Variants in TBL1XR1 observed in about 807,000 individuals in gnomAD.
TBL1XR1 encodes F-box-like/WD repeat-containing protein TBL1XR1.
In TBL1XR1, 5 loss-of-function variants were observed where a neutral mutation model predicts 66.9. That is an observed-to-expected ratio of 0.07 (90% CI 0.04 to 0.16). TBL1XR1 has a LOEUF of 0.16. Ranked by LOEUF, TBL1XR1 falls within the 10% of genes least tolerant of loss-of-function variation. TBL1XR1 has a pLI of 1.00. For synonymous variants in TBL1XR1, 210 were observed against 206.0 expected (o/e 1.02, Z -0.17); for missense variants, 238 against 623.2 (o/e 0.38, Z 6.58).
chr3:177,088,710 TAAA>T lies in TBL1XR1; in HGVS notation c.-46+9753_-46+9755del, dbSNP rs141356787. 5.7e-4 allele frequency among the ~76,000 whole-genome samples: 72 copies of T among 126,952 alleles called. 1 individual carries two copies. Among genetic ancestry groups the T allele is most frequent in the African/African-American group, 1.8e-3 (64 of 35,284 alleles). 83.3% of individuals were successfully genotyped at this position (126,952 alleles called of 152,430 possible). On this transcript the variant is annotated intron_variant, in intron 2 of 15. Coordinates refer to ENST00000457928, the MANE Select transcript of TBL1XR1 (RefSeq NM_024665.7). ...TGTGCTCTGCTTTTCTTCATTTGTT[TAAA>T]AAAAAAAAAAAGAAAAGAAAAGCCT...
chr3:177,061,697 T>C (rs1226389162), intron 3 of TBL1XR1, among the ~76,000 whole-genome samples: 3 of 152,222 alleles, frequency 2.0e-5, no homozygotes, highest in African/African-American at 7.2e-5. Context: ...GGTATTACTT[T>C]AGATCTTTCA....
intron 1 of TBL1XR1, chr3:177,131,475 A>C (rs1728283572): frequency 1.2e-6 from 1 of 831,104 alleles, no homozygotes; most frequent in African/African-American, 1.8e-5. Context: ...ACAAAAAAAA[A>C]CTAAATTAAA....
At chr3:177,146,666 T>C (rs1730294930) in intron 1 of TBL1XR1, among the ~76,000 whole-genome samples, 1 of 149,226 alleles carries the variant, frequency 6.7e-6, no homozygotes, top group Non-Finnish European at 1.5e-5. Flanking sequence ...AACAGGAAGC[T>C]ATCAAGCTCA....
chr3:177,175,592 G>A (rs1734059577), intron 1 of TBL1XR1, among the ~76,000 whole-genome samples: 1 of 152,072 alleles, frequency 6.6e-6, no homozygotes, highest in African/African-American at 2.4e-5. Flanking sequence ...AATTATATAT[G>A]CAATCATAGG....
chr3:177,105,949 GGT>G (rs1467399899), intron 1 of TBL1XR1, among the ~76,000 whole-genome samples: 2 of 152,046 alleles, frequency 1.3e-5, no homozygotes, highest in Non-Finnish European at 2.9e-5. Context: ...CAAAGTGAGA[GGT>G]GTTCAGAACT....
At chr3:177,078,422 A>AT (rs1353244422) in intron 2 of TBL1XR1, among the ~76,000 whole-genome samples, 4 of 151,492 alleles carry the variant, frequency 2.6e-5, no homozygotes, top group East Asian at 1.9e-4. Context: ...AAAAAAAAAA[A>AT]ATTTTGGTTT....
chr3:177,192,680 TAAC>T (rs1163056299), intron 1 of TBL1XR1, among the ~76,000 whole-genome samples: 1 of 152,132 alleles, frequency 6.6e-6, no homozygotes, highest in Non-Finnish European at 1.5e-5. Flanking sequence ...CTAAAATAAA[TAAC>T]AAGCAAATAA....
intron 1 of TBL1XR1, among the ~76,000 whole-genome samples, chr3:177,160,698 GA>G (rs1405108127): frequency 6.6e-6 from 1 of 151,840 alleles, no homozygotes; most frequent in Non-Finnish European, 1.5e-5. Flanking sequence ...TGTTTATAAA[GA>G]GCTAAAACAT....
chr3:177,035,013 A>ATG (rs1714567387), intron 12 of TBL1XR1, among the ~76,000 whole-genome samples: 1 of 152,174 alleles, frequency 6.6e-6, no homozygotes, highest in African/African-American at 2.4e-5. Context: ...CACATACAAC[A>ATG]TGCCAAACCC....
At chr3:177,161,402 GCC>G (rs1732195506) in intron 1 of TBL1XR1, among the ~76,000 whole-genome samples, 1 of 152,130 alleles carries the variant, frequency 6.6e-6, no homozygotes, top group South Asian at 2.1e-4. Flanking sequence ...TACATTATGA[GCC>G]AGTTAGGTTA....
At chr3:177,104,011 G>A (rs547591074) in intron 1 of TBL1XR1, among the ~76,000 whole-genome samples, 1 of 151,860 alleles carries the variant, frequency 6.6e-6, no homozygotes, top group Non-Finnish European at 1.5e-5. Context: ...AGCTACTCGG[G>A]AGGCTGAGGC....
chr3:177,066,333 T>C (rs2108544653), intron 2 of TBL1XR1, among the ~76,000 whole-genome samples: 1 of 152,214 alleles, frequency 6.6e-6, no homozygotes, highest in East Asian at 1.9e-4. Flanking sequence ...GAAGAAGCCC[T>C]AACTAAAGTT....
intron 4 of TBL1XR1, among the ~76,000 whole-genome samples, chr3:177,052,524 T>C (rs375724559): frequency 3.1e-4 from 47 of 152,306 alleles, no homozygotes; most frequent in Non-Finnish European, 5.1e-4. Flanking sequence ...TTTTAACTTA[T>C]AAATAATTTT....
At chr3:177,057,318 C>G (rs1717931882) in intron 3 of TBL1XR1, among the ~76,000 whole-genome samples, 1 of 152,184 alleles carries the variant, frequency 6.6e-6, no homozygotes, top group Non-Finnish European at 1.5e-5. Flanking sequence ...ATGTGTGGCA[C>G]TTACCACACT....
chr3:177,031,742 A>G (rs1278928745), intron 14 of TBL1XR1, among the ~76,000 whole-genome samples: 3 of 150,178 alleles, frequency 2.0e-5, no homozygotes, highest in Admixed American at 2.0e-4. Context: ...CCCAGGCAAC[A>G]TAGAAAGATC....
intron 1 of TBL1XR1, among the ~76,000 whole-genome samples, chr3:177,174,680 G>GA (rs1307420166): frequency 2.0e-5 from 3 of 152,034 alleles, no homozygotes; most frequent in Non-Finnish European, 2.9e-5. Context: ...GCAGAATTCA[G>GA]AAACATGAAC....
chr3:177,170,452 C>G (rs1733322420), intron 1 of TBL1XR1, among the ~76,000 whole-genome samples: 1 of 152,128 alleles, frequency 6.6e-6, no homozygotes, highest in Non-Finnish European at 1.5e-5. Flanking sequence ...CCACCTGGCC[C>G]AACACTGGGT....
chr3:177,073,804 C>T (rs1311543153), intron 2 of TBL1XR1, among the ~76,000 whole-genome samples: 7 of 152,162 alleles, frequency 4.6e-5, no homozygotes, highest in African/African-American at 9.7e-5. Context: ...GCACTGCTCC[C>T]GCAACACACT....
At chr3:177,061,031 C>G (rs1560129251) in intron 3 of TBL1XR1, among the ~76,000 whole-genome samples, 1 of 152,038 alleles carries the variant, frequency 6.6e-6, no homozygotes, top group Non-Finnish European at 1.5e-5. Context: ...TGGTGAGGAC[C>G]AAAGTAATTT....
Sources: allele counts gnomAD v4.1 joint callset (sites outside exome capture counted in the v4.1 genomes callset), GRCh38; gene constraint gnomAD v4.1.1; transcripts MANE v1.5; gene names NCBI Gene and HGNC (gene_info 2026-07-23, HGNC 2026-07-21).